The following TLCD4 variants were observed in gnomAD, a reference collection of about 807,000 sequenced individuals.
TLCD4 encodes TLC domain containing 4.
TLCD4 carries 7 observed loss-of-function variants against 24.2 expected under a neutral mutation model. That is an observed-to-expected ratio of 0.29 (90% confidence interval 0.16 to 0.54). The LOEUF (loss-of-function observed/expected upper bound fraction) is 0.54. Ranked by LOEUF, TLCD4 falls within the 20% of genes least tolerant of loss-of-function variation. The probability of loss-of-function intolerance (pLI) is 0.95; values close to 1 mark genes in which losing one functional copy is unlikely to be tolerated. For synonymous variants in TLCD4, 103 were observed against 106.4 expected, an observed-to-expected ratio of 0.97 and a Z score of 0.20; for missense variants, 259 against 313.9, an observed-to-expected ratio of 0.82 and a Z score of 1.32.
chr1:95,147,104 C>T (rs1277387509), intron 2 of TLCD4, among the ~76,000 whole-genome samples: 2 of 144,106 alleles, frequency 1.4e-5, no homozygotes, highest in South Asian at 2.2e-4. Flanking sequence ...GACAGAGTGT[C>T]GCTCTGTTGC....
At chr1:95,175,431 C>A (rs970974944) in intron 6 of TLCD4, among the ~76,000 whole-genome samples, 1 of 152,250 alleles carries the variant, frequency 6.6e-6, no homozygotes, top group Non-Finnish European at 1.5e-5. Flanking sequence ...CTTATGCATT[C>A]ATCCGTCCAT....
intron 6 of TLCD4, among the ~76,000 whole-genome samples, chr1:95,189,957 C>T (rs1263453215): frequency 6.6e-6 from 1 of 152,126 alleles, no homozygotes; most frequent in East Asian, 1.9e-4. Context: ...AGTGGTTGTA[C>T]CATTTTGCAT....
chr1:95,120,799 A>G (rs1439489412), intron 1 of TLCD4, among the ~76,000 whole-genome samples: 8 of 152,196 alleles, frequency 5.3e-5, no homozygotes, highest in Non-Finnish European at 8.8e-5. Context: ...TGTATGTGAA[A>G]CTAGTTTCTA....
chr1:95,111,303 CA>C, the TLCD4 span, among the ~76,000 whole-genome samples: 6,053 of 88,454 alleles, frequency 0.068, 177 homozygotes, highest in South Asian at 0.12. Context: ...TAAAACAAAA[CA>C]AAACAAAACA....
chr1:95,096,992 C>T, the TLCD4 span, among the ~76,000 whole-genome samples: 1 of 152,100 alleles, frequency 6.6e-6, no homozygotes, highest in African/African-American at 2.4e-5. Flanking sequence ...GTTACTCTGC[C>T]ATCCCTTTCT....
intron 5 of TLCD4, chr1:95,164,707 G>C (rs914579714): frequency 6.6e-6 from 1 of 152,004 alleles, no homozygotes; most frequent in African/African-American, 2.4e-5. Flanking sequence ...CTCCTACTTT[G>C]CTTCTCAGTT....
intron 5 of TLCD4, among the ~76,000 whole-genome samples, chr1:95,161,047 T>A (rs1212946067): frequency 6.6e-6 from 1 of 152,238 alleles, no homozygotes; most frequent in Non-Finnish European, 1.5e-5. Flanking sequence ...TCCCTCTTTT[T>A]CTGTTGATTG....
In TLCD4 at chr1:95,143,997, A is replaced by C; in HGVS notation, c.96A>C (p.Ala32=). 2 of 1,574,670 alleles carry C rather than the reference A, an allele frequency of 1.3e-6. No homozygotes were observed. The highest frequency in any genetic ancestry group is 1.7e-6 in the Non-Finnish European group (2 of 1,161,316). ...LFYFVSYWFS[A]KVSPGFNSLS... is the part of the protein sequence containing the mutation. ...ACTTTGTAAGTTACTGGTTTTCAGC[A>C]AAAGTTTCTCCAGGTTTCAATAGTC... The change falls in exon 2 of 7, where the codon GCA becomes GCC. Residue 32 remains alanine (A), a synonymous_variant. Transcript: ENST00000370203.
the TLCD4 span, among the ~76,000 whole-genome samples, chr1:95,103,528 G>A: frequency 6.6e-6 from 1 of 152,180 alleles, no homozygotes. Flanking sequence ...TAAGAAGGAT[G>A]TCAGTGAGTT....
chr1:95,181,097 A>AG (rs1256428721), intron 6 of TLCD4, among the ~76,000 whole-genome samples: 1 of 152,186 alleles, frequency 6.6e-6, no homozygotes, highest in Non-Finnish European at 1.5e-5. Flanking sequence ...ACTCTGTCTC[A>AG]GAAAAAAACA....
chr1:95,160,022 G>T (rs1026533764), intron 5 of TLCD4, among the ~76,000 whole-genome samples: 2 of 152,160 alleles, frequency 1.3e-5, no homozygotes, highest in African/African-American at 4.8e-5. Flanking sequence ...CTTTAAAGTA[G>T]TTTTTTCCAA....
At chr1:95,189,264 T>C (rs1423691425) in intron 6 of TLCD4, among the ~76,000 whole-genome samples, 5 of 152,206 alleles carry the variant, frequency 3.3e-5, no homozygotes, top group African/African-American at 1.2e-4. Context: ...CTTTGTCTTA[T>C]AGTCTCCATC....
chr1:95,151,435 T>G lies in TLCD4; in HGVS notation c.399+16T>G. 1 of 1,608,536 alleles carries G rather than the reference T, an allele frequency of 6.2e-7. No homozygotes were observed. The highest frequency in any genetic ancestry group is 8.5e-7 in the Non-Finnish European group (1 of 1,177,140). On this transcript the variant is annotated intron_variant, in intron 5 of 6. Coordinates refer to ENST00000370203, the MANE Select transcript of TLCD4 (RefSeq NM_152487.3). ...CCTTGTACTGGTGAGTTCCAGGATTTTCTGTAGCCTAACTAGCAGACAAGA... is the reference window on the plus strand; with the variant it reads ...CCTTGTACTGGTGAGTTCCAGGATTGTCTGTAGCCTAACTAGCAGACAAGA...
intron 5 of TLCD4, among the ~76,000 whole-genome samples, chr1:95,170,079 A>G (rs2100984056): frequency 6.6e-6 from 1 of 152,346 alleles, no homozygotes; most frequent in South Asian, 2.1e-4. Flanking sequence ...ATTTTGCAGC[A>G]GTCTGGTCTG....
chr1:95,147,953 G>A (rs1225160879), intron 2 of TLCD4, among the ~76,000 whole-genome samples: 3 of 152,102 alleles, frequency 2.0e-5, no homozygotes, highest in East Asian at 1.9e-4. Context: ...TGGTTTTTAT[G>A]TTAAACTTAT....
At chr1:95,153,383 A>C (rs1460227023) in intron 5 of TLCD4, among the ~76,000 whole-genome samples, 1 of 152,184 alleles carries the variant, frequency 6.6e-6, no homozygotes, top group Non-Finnish European at 1.5e-5. Context: ...GAGAACTAAT[A>C]ACATATTGGA....
At chr1:95,157,095 A>G (rs1677654959) in intron 5 of TLCD4, among the ~76,000 whole-genome samples, 1 of 152,230 alleles carries the variant, frequency 6.6e-6, no homozygotes, top group African/African-American at 2.4e-5. Flanking sequence ...ATAATGTTTT[A>G]GCAGAGGCCA....
At chr1:95,154,247 C>T (rs1409598664) in intron 5 of TLCD4, among the ~76,000 whole-genome samples, 1 of 152,022 alleles carries the variant, frequency 6.6e-6, no homozygotes, top group Admixed American at 6.6e-5. Flanking sequence ...CTTAAGTAAC[C>T]CTAGGAGGAA....
Position 95,191,667 on chromosome 1 carries a change from CT to C in TLCD4, c.593del (p.Phe198SerfsTer12), listed in dbSNP as rs767563093. The C allele has an allele frequency of 7.4e-6, 12 of 1,614,012 alleles. No individual in the cohort carries two copies. The highest frequency in any genetic ancestry group is 8.5e-7 in the Non-Finnish European group (1 of 1,180,014). The stretch of plus-strand genomic sequence containing the variant: ...TTGCCTCAATGCTTCCTCATTATGG[CT>C]TCATGTATTCCGTGTATGGAACAGA... ...RIASMLPHYG[F>X]MYSVYGTEPY... is the part of the protein sequence containing the mutation. On this transcript the variant is annotated frameshift_variant, in exon 7 of 7. Coordinates refer to ENST00000370203, the MANE Select transcript of TLCD4 (RefSeq NM_152487.3). LOFTEE classifies it low-confidence loss of function (END_TRUNC).
Sources: allele counts gnomAD v4.1 joint callset (sites outside exome capture counted in the v4.1 genomes callset), GRCh38; gene constraint gnomAD v4.1.1; transcripts MANE v1.5; gene names NCBI Gene and HGNC (gene_info 2026-07-23, HGNC 2026-07-21).